Variants in PHACTR1 observed in about 807,000 individuals in gnomAD.
The protein encoded by PHACTR1 is phosphatase and actin regulator 1, also known as RPEL repeat containing 1.
In PHACTR1, 16 loss-of-function variants were observed where a neutral mutation model predicts 69.2. The observed-to-expected ratio is 0.23, with a 90% CI of 0.16 to 0.35. The LOEUF is 0.35. Among genes scored for constraint, PHACTR1 ranks in the 10% least tolerant of loss-of-function variants. The pLI is 1.00. For missense variants in PHACTR1, 510 were observed against 734.7 expected (o/e 0.69, Z 3.54); for synonymous variants, 312 against 284.5 (o/e 1.10, Z -0.97).
At chr6:13,026,772 G>C (rs1801755430) in intron 4 of PHACTR1, among the ~76,000 whole-genome samples, 1 of 152,088 alleles carries the variant, frequency 6.6e-6, no homozygotes, top group Non-Finnish European at 1.5e-5. Flanking sequence ...GCTTCTGGGT[G>C]TGCATGTCCT....
intron 4 of PHACTR1, among the ~76,000 whole-genome samples, chr6:12,989,651 T>C (rs1163057126): frequency 6.6e-6 from 1 of 152,044 alleles, no homozygotes; most frequent in African/African-American, 2.4e-5. Flanking sequence ...AAGAGACAAG[T>C]TAAGAGTTTA....
At chr6:12,795,833 G>A (rs972870197) in intron 4 of PHACTR1, among the ~76,000 whole-genome samples, 3 of 151,706 alleles carry the variant, frequency 2.0e-5, no homozygotes, top group Non-Finnish European at 4.4e-5. Context: ...TTTCTTCAGG[G>A]GAAGTCTTGA....
chr6:12,836,746 A>G (rs930003648), intron 4 of PHACTR1, among the ~76,000 whole-genome samples: 3 of 152,172 alleles, frequency 2.0e-5, no homozygotes, highest in Admixed American at 6.5e-5. Flanking sequence ...CAGCTACAAA[A>G]TTATAGTTTC....
chr6:12,718,888 C>A, intron 3 of PHACTR1, 41 bp downstream of exon 3: 2 of 1,309,874 alleles, frequency 1.5e-6, no homozygotes, highest in South Asian at 1.4e-5. Flanking sequence ...ATTTGCACGT[C>A]GGTTTTATAT....
chr6:13,287,296 C>G lies in PHACTR1; in HGVS notation c.*218C>G. On this transcript the variant is annotated 3_prime_UTR_variant, in exon 15 of 15. Transcript: ENST00000332995. ...CGAGCTGCTGGTCCCACTTCTGACA[C>G]CAAAATGCATCCCAACCCCCGGCAG... 1 of 572,912 alleles carries G rather than the reference C, an allele frequency of 1.7e-6. No homozygotes were observed. The highest frequency in any genetic ancestry group is 3.0e-6 in the Non-Finnish European group (1 of 332,342). 35.5% of individuals were successfully genotyped at this position (572,912 alleles called of 1,614,324 possible).
chr6:13,122,717 A>T (rs958277882), intron 5 of PHACTR1, among the ~76,000 whole-genome samples: 1 of 152,170 alleles, frequency 6.6e-6, no homozygotes, highest in African/African-American at 2.4e-5. Context: ...AAATTGGAAG[A>T]TACTGTTAGG....
chr6:13,186,439 A>T (rs1393030489), intron 7 of PHACTR1, among the ~76,000 whole-genome samples: 1 of 152,174 alleles, frequency 6.6e-6, no homozygotes, highest in Non-Finnish European at 1.5e-5. Context: ...CATCTTCCTT[A>T]TTGCTAAATC....
chr6:13,280,960 T>C (rs780323986), intron 12 of PHACTR1: 1 of 1,289,114 alleles, frequency 7.8e-7, no homozygotes, highest in South Asian at 1.2e-5. Context: ...TGGCCGTTTG[T>C]TAGTGCTGGG....
intron 4 of PHACTR1, among the ~76,000 whole-genome samples, chr6:12,849,598 G>A (rs1195218330): frequency 6.6e-6 from 1 of 152,186 alleles, no homozygotes; most frequent in Admixed American, 6.5e-5. Flanking sequence ...AAGAGCTAGG[G>A]AATGTTGAGA....
chr6:12,744,976 A>C (rs1203001975), intron 3 of PHACTR1, among the ~76,000 whole-genome samples: 2 of 152,140 alleles, frequency 1.3e-5, no homozygotes, highest in Admixed American at 1.3e-4. Context: ...GAGTCTTTTG[A>C]AAATCTAGGT....
chr6:13,173,585 C>T (rs1219593448), intron 6 of PHACTR1, among the ~76,000 whole-genome samples: 1 of 152,190 alleles, frequency 6.6e-6, no homozygotes, highest in Non-Finnish European at 1.5e-5. Context: ...AACTGTTACT[C>T]AACACATCAT....
At chr6:13,002,383 T>C (rs181093147) in intron 4 of PHACTR1, among the ~76,000 whole-genome samples, 1 of 152,324 alleles carries the variant, frequency 6.6e-6, no homozygotes, top group Non-Finnish European at 1.5e-5. Flanking sequence ...TTTATTTCAG[T>C]ACTCTGCATG....
intron 4 of PHACTR1, among the ~76,000 whole-genome samples, chr6:12,935,313 G>C (rs1287861546): frequency 6.6e-6 from 1 of 151,966 alleles, no homozygotes; most frequent in African/African-American, 2.4e-5. Context: ...GTACAATCTC[G>C]GCTCACTGCA....
chr6:12,894,620 A>C (rs1414953733), intron 4 of PHACTR1, among the ~76,000 whole-genome samples: 1 of 152,142 alleles, frequency 6.6e-6, no homozygotes, highest in Non-Finnish European at 1.5e-5. Flanking sequence ...AGAAACAAAA[A>C]AACTTCTCAT....
At chr6:13,114,929 A>G (rs937791151) in intron 5 of PHACTR1, among the ~76,000 whole-genome samples, 5 of 152,236 alleles carry the variant, frequency 3.3e-5, no homozygotes, top group Non-Finnish European at 7.3e-5. Context: ...AGTAAACTGC[A>G]TACATATTCT....
At chr6:13,194,727 A>C (rs1764130582) in intron 7 of PHACTR1, among the ~76,000 whole-genome samples, 1 of 152,256 alleles carries the variant, frequency 6.6e-6, no homozygotes, top group South Asian at 2.1e-4. Flanking sequence ...TAATCATCCC[A>C]CATTACAAAT....
intron 7 of PHACTR1, among the ~76,000 whole-genome samples, chr6:13,193,412 G>C (rs997776114): frequency 8.2e-6 from 1 of 122,334 alleles, no homozygotes; most frequent in African/African-American, 2.8e-5. Flanking sequence ...GTTGAGATGC[G>C]GTCTCACTAT....
At position 13,270,014 on chromosome 6, in the gene PHACTR1, C is replaced by G. The variant is rs911723323; in HGVS notation, c.1392-2846C>G. Among the ~76,000 whole-genome samples, 6 of 152,310 alleles carry G rather than the reference C, an allele frequency of 3.9e-5. No individual in the cohort carries two copies. The East Asian group carries it at 1.2e-3, about 29-fold the overall frequency. ...CCTTTCTACTGGGACAGTGTCAGAT[C>G]ACACAGGTTAAGGACTCAGTCCCAC... On this transcript the variant is annotated intron_variant, in intron 10 of 14. Coordinates refer to ENST00000332995, the MANE Select transcript of PHACTR1 (RefSeq NM_030948.6).
intron 4 of PHACTR1, among the ~76,000 whole-genome samples, chr6:12,944,802 A>T (rs1185220422): frequency 3.2e-5 from 4 of 124,012 alleles, no homozygotes; most frequent in Non-Finnish European, 6.7e-5. Context: ...TTTTTTTTTG[A>T]GACGGAGTCT....
Sources: gnomAD v4.1 joint callset for allele counts (sites outside exome capture counted in the v4.1 genomes callset) on GRCh38, gnomAD v4.1.1 for gene constraint, MANE v1.5 for transcripts, NCBI Gene and HGNC (gene_info 2026-07-23, HGNC 2026-07-21) for gene names.